DCDC2: variants seen among roughly 807,000 people sequenced by gnomAD.
DCDC2 encodes the protein doublecortin domain containing 2.
In DCDC2, 40 loss-of-function variants were observed where a neutral mutation model predicts 50.2. That is an observed-to-expected ratio of 0.80 (90% CI 0.62 to 1.04). The LOEUF is 1.04. Among genes scored for constraint, DCDC2 ranks in the 50% least tolerant of loss-of-function variants. The probability of loss-of-function intolerance (pLI) is 0.00; values close to 1 mark genes in which losing one functional copy is unlikely to be tolerated. For synonymous variants in DCDC2, 234 were observed against 210.6 expected (o/e 1.11, Z -0.96); for missense variants, 570 against 581.9 (o/e 0.98, Z 0.21).
At chr6:24,199,140 G>C (rs978772882) in intron 8 of DCDC2, among the ~76,000 whole-genome samples, 3 of 152,232 alleles carry the variant, frequency 2.0e-5, no homozygotes, top group African/African-American at 7.2e-5. Context: ...GGATCTCCCA[G>C]AACAGCGCTC....
chr6:24,353,289 T>G (rs1005440663), intron 2 of DCDC2: 1 of 505,536 alleles, frequency 2.0e-6, no homozygotes, highest in Non-Finnish European at 4.0e-6. Flanking sequence ...ACAGGGAACC[T>G]TCCCATGGAT....
the DCDC2 span, among the ~76,000 whole-genome samples, chr6:24,378,123 C>T: frequency 6.6e-6 from 1 of 152,194 alleles, no homozygotes; most frequent in Non-Finnish European, 1.5e-5. Context: ...ATTATGTAAA[C>T]AGAAATTGAC....
At chr6:24,243,551 A>G (rs977926836) in intron 7 of DCDC2, among the ~76,000 whole-genome samples, 2 of 152,170 alleles carry the variant, frequency 1.3e-5, no homozygotes, top group African/African-American at 4.8e-5. Context: ...AGCTATTGTT[A>G]TTATTATTAT....
At chr6:24,177,741 TTC>T (rs2113737783) in intron 9 of DCDC2, among the ~76,000 whole-genome samples, 1 of 152,336 alleles carries the variant, frequency 6.6e-6, no homozygotes, top group Admixed American at 6.5e-5. Context: ...ACTTTTTCTG[TTC>T]TCTTATTTTC....
intron 7 of DCDC2, among the ~76,000 whole-genome samples, chr6:24,240,734 C>A (rs896712656): frequency 2.0e-5 from 3 of 152,122 alleles, no homozygotes; most frequent in Admixed American, 2.0e-4. Flanking sequence ...AGAGGTAGCA[C>A]ACACAGAGAA....
At chr6:24,308,617 CATG>C (rs1171003867) in intron 2 of DCDC2, among the ~76,000 whole-genome samples, 2 of 152,036 alleles carry the variant, frequency 1.3e-5, no homozygotes, top group African/African-American at 4.8e-5. Context: ...CAGAGATGAT[CATG>C]ATATTGAAAT....
chr6:24,262,794 G>A (rs1591997), intron 7 of DCDC2, among the ~76,000 whole-genome samples: 15,739 of 152,238 alleles, frequency 0.1, 884 homozygotes, highest in Middle Eastern at 0.16. Context: ...AGGGAGAAAA[G>A]CTTATTGCCT....
intron 8 of DCDC2, among the ~76,000 whole-genome samples, chr6:24,194,911 C>T (rs1203676123): frequency 1.3e-5 from 2 of 152,170 alleles, no homozygotes; most frequent in Non-Finnish European, 2.9e-5. Context: ...ATTCTTCTGT[C>T]TTTCCATGGG....
At chr6:24,321,945 A>G (rs1759781196) in intron 2 of DCDC2, among the ~76,000 whole-genome samples, 1 of 130,204 alleles carries the variant, frequency 7.7e-6, no homozygotes, top group Non-Finnish European at 1.8e-5. Context: ...TTTATCTTGA[A>G]AACATGTATG....
intron 8 of DCDC2, among the ~76,000 whole-genome samples, chr6:24,186,694 C>T (rs370474571): frequency 1.9e-4 from 29 of 152,152 alleles, no homozygotes; most frequent in Admixed American, 1.5e-3. Flanking sequence ...ATGTTTCTTA[C>T]GGACTCAAAC....
At chr6:24,331,837 A>C (rs1335233128) in intron 2 of DCDC2, among the ~76,000 whole-genome samples, 4 of 152,176 alleles carry the variant, frequency 2.6e-5, no homozygotes, top group Non-Finnish European at 5.9e-5. Context: ...CACAGGAAAA[A>C]ATTTCCAAAA....
intron 7 of DCDC2, among the ~76,000 whole-genome samples, chr6:24,209,834 G>T (rs1317445632): frequency 6.6e-6 from 1 of 152,112 alleles, no homozygotes; most frequent in Non-Finnish European, 1.5e-5. Context: ...AGAGCACCTG[G>T]TGCTTAGCTG....
intron 5 of DCDC2, 105 bp from the exon 6 acceptor site, chr6:24,289,011 G>C (rs1269860244): frequency 3.8e-6 from 3 of 787,408 alleles, no homozygotes; most frequent in Non-Finnish European, 6.1e-6. Context: ...TTACTGCTGT[G>C]TTTCACAAAA....
chr6:24,181,463 A>G (rs951749366), intron 8 of DCDC2, among the ~76,000 whole-genome samples: 1 of 152,184 alleles, frequency 6.6e-6, no homozygotes, highest in African/African-American at 2.4e-5. Flanking sequence ...CAAGGGAAAG[A>G]TGGGTGTTGT....
At chr6:24,292,270 A>G (rs923374119) in intron 4 of DCDC2, among the ~76,000 whole-genome samples, 8 of 152,192 alleles carry the variant, frequency 5.3e-5, no homozygotes, top group Non-Finnish European at 8.8e-5. Context: ...AATAAATGGA[A>G]GGATTTCAGT....
At chr6:24,290,804 A>ATATGCTT (rs1763726971) in intron 5 of DCDC2, 128 bp downstream of exon 5, 1 of 809,004 alleles carries the variant, frequency 1.2e-6, no homozygotes, top group African/African-American at 1.7e-5. Context: ...TGTATACCAT[A>ATATGCTT]TATGCTTTCC....
chr6:24,219,938 G>A (rs911625705), intron 7 of DCDC2, among the ~76,000 whole-genome samples: 2 of 152,162 alleles, frequency 1.3e-5, no homozygotes, highest in Admixed American at 6.5e-5. Flanking sequence ...CTTCCGAGGA[G>A]GAAAGGAGAC....
intron 2 of DCDC2, among the ~76,000 whole-genome samples, chr6:24,322,480 T>A (rs1010762568): frequency 1.5e-5 from 2 of 134,896 alleles, no homozygotes; most frequent in African/African-American, 2.7e-5. Flanking sequence ...CCTTTCCCCT[T>A]TGTTTTCCTT....
At chr6:24,265,838 G>A (rs1410171760) in intron 7 of DCDC2, among the ~76,000 whole-genome samples, 1 of 151,408 alleles carries the variant, frequency 6.6e-6, no homozygotes, top group African/African-American at 2.4e-5. Context: ...CCATAATGAT[G>A]TATCTTAACT....
Sources: allele counts gnomAD v4.1 joint callset (sites outside exome capture counted in the v4.1 genomes callset), GRCh38; gene constraint gnomAD v4.1.1; transcripts MANE v1.5; gene names NCBI Gene and HGNC (gene_info 2026-07-23, HGNC 2026-07-21).